The following EMC7 variants were observed in gnomAD, a reference collection of about 807,000 sequenced individuals.
The protein encoded by EMC7 is ER membrane protein complex subunit 7.
Under a neutral mutation model 24.4 loss-of-function variants are expected in EMC7, and 4 were observed. That is an observed-to-expected ratio of 0.16 (90% CI 0.08 to 0.38). EMC7 has a LOEUF of 0.38. Among genes scored for constraint, EMC7 ranks in the 10% least tolerant of loss-of-function variants. The pLI is 1.00. For missense variants in EMC7, 221 were observed against 300.6 expected (o/e 0.74, Z 1.96); for synonymous variants, 106 against 112.0 (o/e 0.95, Z 0.34).
chr15:34,093,736 G>A (rs1397959903), intron 2 of EMC7, among the ~76,000 whole-genome samples: 2 of 139,228 alleles, frequency 1.4e-5, no homozygotes, highest in Non-Finnish European at 1.5e-5. Flanking sequence ...AGTCCTTTAA[G>A]GCACAGATTT....
chr15:34,090,198 A>G, intron 3 of EMC7, 119 bp downstream of exon 3: 1 of 1,019,574 alleles, frequency 9.8e-7, no homozygotes, highest in South Asian at 2.1e-5. Flanking sequence ...AATTATTCAC[A>G]ATTATCCTTT....
At chr15:34,093,907 A>G (rs1380823988) in intron 2 of EMC7, among the ~76,000 whole-genome samples, 1 of 142,578 alleles carries the variant, frequency 7.0e-6, no homozygotes, top group African/African-American at 2.6e-5. Context: ...CTATAATCCC[A>G]GCTACTTAGG....
At chr15:34,086,937 T>C (rs1414549859) in intron 4 of EMC7, among the ~76,000 whole-genome samples, 1 of 152,224 alleles carries the variant, frequency 6.6e-6, no homozygotes, top group Non-Finnish European at 1.5e-5. Flanking sequence ...CTGCTTTGAA[T>C]ATACCCCTTA....
intron 2 of EMC7, among the ~76,000 whole-genome samples, chr15:34,094,285 T>G (rs755610400): frequency 6.6e-6 from 1 of 151,726 alleles, no homozygotes; most frequent in Non-Finnish European, 1.5e-5. Flanking sequence ...CTCACACCTG[T>G]AATCCCAGGA....
At chr15:34,087,590 C>G (rs1900909392) in intron 4 of EMC7, among the ~76,000 whole-genome samples, 1 of 152,086 alleles carries the variant, frequency 6.6e-6, no homozygotes, top group African/African-American at 2.4e-5. Context: ...ATTCAGCATA[C>G]CAGAAGTATT....
chr15:34,098,457 C>CTTTT (rs560201784), intron 1 of EMC7, among the ~76,000 whole-genome samples: 14 of 132,318 alleles, frequency 1.1e-4, no homozygotes, highest in Non-Finnish European at 1.1e-4. Flanking sequence ...TTCTTTCTTT[C>CTTTT]TTTTTTTTTT....
intron 4 of EMC7, among the ~76,000 whole-genome samples, chr15:34,084,929 T>C (rs558807277): frequency 1.3e-5 from 2 of 151,676 alleles, no homozygotes; most frequent in African/African-American, 4.8e-5. Context: ...CTGTGTGTGA[T>C]GTTCCCTTTC....
chr15:34,092,494 G>A (rs193220655), intron 2 of EMC7, among the ~76,000 whole-genome samples: 5 of 151,850 alleles, frequency 3.3e-5, no homozygotes, highest in Admixed American at 1.3e-4. Flanking sequence ...AATTACAGGC[G>A]CACGCCACCA....
chr15:34,088,468 C>CTTTT (rs11423386), intron 3 of EMC7, among the ~76,000 whole-genome samples: 5 of 142,062 alleles, frequency 3.5e-5, no homozygotes, highest in African/African-American at 5.2e-5. Context: ...TATCTATTCC[C>CTTTT]TTTTTTTTTT....
chr15:34,099,031 C>A (rs1250567795), intron 1 of EMC7, among the ~76,000 whole-genome samples: 2 of 151,986 alleles, frequency 1.3e-5, no homozygotes, highest in African/African-American at 2.4e-5. Flanking sequence ...TTTGAGAAAA[C>A]TGAGGAAACA....
chr15:34,098,211 T>C (rs1445404262), intron 1 of EMC7, among the ~76,000 whole-genome samples: 5 of 152,106 alleles, frequency 3.3e-5, no homozygotes, highest in Non-Finnish European at 7.4e-5. Flanking sequence ...GACTGGTTTG[T>C]GTCTTTCAAT....
At chr15:34,087,351 C>A (rs1303414757) in intron 4 of EMC7, among the ~76,000 whole-genome samples, 1 of 152,106 alleles carries the variant, frequency 6.6e-6, no homozygotes, top group Non-Finnish European at 1.5e-5. Flanking sequence ...AGCCAATATT[C>A]AAAGAGAAAA....
chr15:34,101,312 G>A (rs1901170032), intron 1 of EMC7, among the ~76,000 whole-genome samples: 1 of 152,120 alleles, frequency 6.6e-6, no homozygotes, highest in Non-Finnish European at 1.5e-5. Flanking sequence ...CTGTCCCCAG[G>A]GCCCAGGAAT....
In EMC7 at chr15:34,098,244, G is replaced by T. The variant is rs996071613; in HGVS notation, c.237-2230C>A. On this transcript the variant is annotated intron_variant, in intron 1 of 4. Coordinates refer to ENST00000256545, the MANE Select transcript of EMC7 (RefSeq NM_020154.3). Reference sequence around the variant, plus strand: ...AATGCAGGCCTTTCTTCCCTTCAAGGTTCCAGTAACCTCTACTCTCCTCTT... The same window carrying T: ...AATGCAGGCCTTTCTTCCCTTCAAGTTTCCAGTAACCTCTACTCTCCTCTT... Among the ~76,000 whole-genome samples, 4 of 152,094 alleles carry T rather than the reference G, an allele frequency of 2.6e-5. No individual in the cohort carries two copies. In the East Asian group the frequency reaches 5.8e-4, roughly 22 times the overall value.
chr15:34,096,039 G>A (rs749747861), intron 1 of EMC7, 25 bp from the exon 2 acceptor site: 1 of 1,510,552 alleles, frequency 6.6e-7, no homozygotes, highest in East Asian at 2.3e-5. Context: ...ATCATGTTTA[G>A]CTACTACTGA....
intron 2 of EMC7, 41 bp from the exon 3 acceptor site, chr15:34,090,496 A>C (rs577926379): frequency 6.3e-7 from 1 of 1,584,508 alleles, no homozygotes; most frequent in East Asian, 2.3e-5. Context: ...AATTCCATTA[A>C]AAACATTACT....
rs1006108343 is a variant in EMC7 at position 34,097,737 on chromosome 15, T to A, written c.237-1723A>T. 2.6e-5 allele frequency among the ~76,000 whole-genome samples: 4 copies of A among 152,210 alleles called. No homozygotes were observed. The South Asian group carries it at 8.3e-4, about 32-fold the overall frequency. ...AAAGGAATAACTGATACTGATGATA[T>A]CCACAACAGTTACTAAAAAGCAAGA... On this transcript the variant is annotated intron_variant, in intron 1 of 4. Transcript: ENST00000256545.
At chr15:34,099,305 A>G (rs987257998) in intron 1 of EMC7, among the ~76,000 whole-genome samples, 1 of 152,204 alleles carries the variant, frequency 6.6e-6, no homozygotes, top group African/African-American at 2.4e-5. Flanking sequence ...AGTATAGAAT[A>G]TAATATTACT....
rs1285458928 is a variant in EMC7, at chr15:34,101,755, C to T, written c.85G>A (p.Ala29Thr). The change falls in exon 1 of 5, where the codon GCT (alanine) becomes ACT (threonine). Residue 29 changes from alanine to threonine, a missense_variant. By Grantham distance (58) the Ala-to-Thr change is moderately conservative. Transcript: ENST00000256545. ...CTCCCTCCCGATCCCTCAGCAGCAGCCCCGGGCACCTCCGAGCTCTGGACA... is the reference window on the plus strand; with the variant it reads ...CTCCCTCCCGATCCCTCAGCAGCAGTCCCGGGCACCTCCGAGCTCTGGACA... ...GDVQSSEVPG[A>T]AAEGSGGSGV... 1.9e-6 allele frequency: 3 copies of T among 1,613,712 alleles called. No individual in the cohort carries two copies. Among genetic ancestry groups the T allele is most frequent in the African/African-American group, 2.7e-5 (2 of 74,882 alleles).
Sources: gnomAD v4.1 joint callset for allele counts (sites outside exome capture counted in the v4.1 genomes callset) on GRCh38, gnomAD v4.1.1 for gene constraint, MANE v1.5 for transcripts, NCBI Gene and HGNC (gene_info 2026-07-23, HGNC 2026-07-21) for gene names.